The following KLRG1 variants were observed in gnomAD, a reference collection of about 807,000 sequenced individuals.
KLRG1 encodes killer cell lectin-like receptor subfamily G member 1.
In KLRG1, 16 loss-of-function variants were observed where a neutral mutation model predicts 21.8. The ratio of observed to expected loss-of-function variants is 0.73; its 90% CI spans 0.50 to 1.11. The LOEUF is 1.11. Ranked by LOEUF, KLRG1 falls within the 50% of genes most tolerant of loss-of-function variation. The pLI, the probability that KLRG1 is intolerant of heterozygous loss-of-function variation, is 0.00. For synonymous variants in KLRG1, 69 were observed against 75.9 expected (o/e 0.91, Z 0.47); for missense variants, 173 against 218.3 (o/e 0.79, Z 1.31).
chr12:9,012,540 C>T (rs949160177), downstream of KLRG1, among the ~76,000 whole-genome samples: 2 of 151,908 alleles, frequency 1.3e-5, no homozygotes, highest in East Asian at 3.9e-4. Flanking sequence ...CAGTGTGACC[C>T]AGCACATTGT....
chr12:9,146,551 C>T, the KLRG1 span, among the ~76,000 whole-genome samples: 204 of 152,060 alleles, frequency 1.3e-3, no homozygotes, highest in African/African-American at 4.7e-3. Flanking sequence ...ATATCTTTGC[C>T]TAATTCTTCA....
chr12:9,017,264 C>CAAAA, the KLRG1 span, among the ~76,000 whole-genome samples: 2 of 53,130 alleles, frequency 3.8e-5, no homozygotes, highest in African/African-American at 8.0e-5. Context: ...AACTCCATCT[C>CAAAA]AAAAAAAAAA....
chr12:9,093,594 G>A, the KLRG1 span: 2 of 1,438,702 alleles, frequency 1.4e-6, no homozygotes, highest in Non-Finnish European at 1.9e-6. Context: ...GGTGAGTGAG[G>A]AAGAAGACAT....
the KLRG1 span, chr12:9,101,104 C>T: frequency 1.3e-6 from 2 of 1,540,808 alleles, no homozygotes; most frequent in Non-Finnish European, 1.8e-6. Flanking sequence ...CTGAATGGGT[C>T]AGAATGGGGC....
the KLRG1 span, among the ~76,000 whole-genome samples, chr12:9,084,156 C>G: frequency 2.0e-5 from 3 of 152,004 alleles, no homozygotes; most frequent in Non-Finnish European, 2.9e-5. Context: ...CTAAGGGAGT[C>G]GTCAACATTA....
the KLRG1 span, chr12:9,076,896 G>A: frequency 6.2e-6 from 10 of 1,609,410 alleles, no homozygotes; most frequent in Admixed American, 1.7e-4. Context: ...TGTCTTCCAG[G>A]CTGACTCCAG....
chr12:9,095,405 G>A, the KLRG1 span: 2 of 818,086 alleles, frequency 2.4e-6, no homozygotes, highest in Non-Finnish European at 3.7e-6. Flanking sequence ...GCTGCTATTA[G>A]TAGAGAAGCC....
At chr12:9,112,477 T>C in the KLRG1 span, 2 of 1,613,898 alleles carry the variant, frequency 1.2e-6, no homozygotes, top group Non-Finnish European at 1.7e-6. Context: ...ATTCTTGGGT[T>C]GGTCCTTTCA....
the KLRG1 span, among the ~76,000 whole-genome samples, chr12:9,205,028 G>A: frequency 3.5e-4 from 53 of 152,106 alleles, 1 homozygote; most frequent in Non-Finnish European, 2.6e-4. Flanking sequence ...AGCCCACGAG[G>A]TTGAGGCTAC....
the KLRG1 span, among the ~76,000 whole-genome samples, chr12:9,080,916 A>G: frequency 6.6e-6 from 1 of 152,174 alleles, no homozygotes; most frequent in Non-Finnish European, 1.5e-5. Context: ...TGGCTAAGCA[A>G]AATAAAATGC....
At chr12:9,169,539 T>A in the KLRG1 span, 1 of 1,613,140 alleles carries the variant, frequency 6.2e-7, no homozygotes, top group Non-Finnish European at 8.5e-7. Flanking sequence ...CTCCTGCTGG[T>A]CCACATTGTC....
chr12:8,983,162 A>C (rs911428696), intron 1 of KLRG1, among the ~76,000 whole-genome samples: 1 of 151,968 alleles, frequency 6.6e-6, no homozygotes, highest in South Asian at 2.1e-4. Context: ...AATTCTTTAT[A>C]TGTACTTATA....
At chr12:8,986,126 A>C (rs1946838992), upstream of KLRG1, among the ~76,000 whole-genome samples, 1 of 152,168 alleles carries the variant, frequency 6.6e-6, no homozygotes, top group South Asian at 2.1e-4. Context: ...GGGGTTATGG[A>C]TTTTGGGGAA....
At chr12:9,190,370 A>G in the KLRG1 span, among the ~76,000 whole-genome samples, 3 of 152,232 alleles carry the variant, frequency 2.0e-5, no homozygotes, top group South Asian at 2.1e-4. Context: ...GCTAGAAGCT[A>G]TCATTCTTAG....
At chr12:9,079,822 A>T in the KLRG1 span, 2 of 1,579,462 alleles carry the variant, frequency 1.3e-6, no homozygotes, top group South Asian at 2.4e-5. Context: ...TCTCCTAGAG[A>T]ATGGGAGAGA....
the KLRG1 span, chr12:9,074,462 T>A: frequency 0.34 from 393,595 of 1,167,828 alleles, 69,986 homozygotes; most frequent in African/African-American, 0.49. Context: ...CAAGTTACTG[T>A]CATCTGTATT....
chr12:9,189,369 A>C, the KLRG1 span, among the ~76,000 whole-genome samples: 1 of 152,270 alleles, frequency 6.6e-6, no homozygotes, highest in Admixed American at 6.5e-5. Context: ...TCTGATCTTC[A>C]ACAAAGCTAA....
At chr12:9,148,924 A>G in the KLRG1 span, 6 of 1,511,460 alleles carry the variant, frequency 4.0e-6, no homozygotes, top group Non-Finnish European at 5.5e-6. Context: ...CCTTCTAAGT[A>G]AATGTATAGG....
chr12:8,956,336 A>C (rs1329418476), intron 1 of KLRG1, among the ~76,000 whole-genome samples: 3 of 152,230 alleles, frequency 2.0e-5, no homozygotes, highest in African/African-American at 7.2e-5. Context: ...GCTTGTGGAC[A>C]GCAGGAATGA....
Sources: allele counts gnomAD v4.1 joint callset (sites outside exome capture counted in the v4.1 genomes callset), GRCh38; gene constraint gnomAD v4.1.1; transcripts MANE v1.5; gene names NCBI Gene and HGNC (gene_info 2026-07-23, HGNC 2026-07-21).